LEMD1: variants seen among roughly 807,000 people sequenced by gnomAD.
LEMD1 encodes LEM domain-containing protein 1.
Under a neutral mutation model 17.4 loss-of-function variants are expected in LEMD1, and 18 were observed. That is an observed-to-expected ratio of 1.04 (90% CI 0.72 to 1.54). The LOEUF is 1.54. LEMD1 is among the 40% of genes most tolerant of loss of function. The pLI, the probability that LEMD1 is intolerant of heterozygous loss-of-function variation, is 0.00. For synonymous variants in LEMD1, 88 were observed against 77.8 expected (o/e 1.13, Z -0.69); for missense variants, 195 against 210.4 (o/e 0.93, Z 0.45).
At chr1:205,414,455 C>T (rs922151115) in intron 4 of LEMD1, among the ~76,000 whole-genome samples, 4 of 151,492 alleles carry the variant, frequency 2.6e-5, no homozygotes, top group African/African-American at 9.7e-5. Flanking sequence ...GATGGGGTCT[C>T]ATGCTATTGC....
chr1:205,425,038 T>A (rs2102449213), upstream of LEMD1, among the ~76,000 whole-genome samples: 1 of 152,318 alleles, frequency 6.6e-6, no homozygotes, highest in East Asian at 1.9e-4. Flanking sequence ...ACAGGATGGC[T>A]GATTATGTGT....
chr1:205,409,150 G>GT (rs1665268022), intron 4 of LEMD1, among the ~76,000 whole-genome samples: 1 of 152,092 alleles, frequency 6.6e-6, no homozygotes, highest in Non-Finnish European at 1.5e-5. Flanking sequence ...GCATATTATT[G>GT]TTTTTTAAAG....
At chr1:205,412,638 C>A (rs1422770269) in intron 4 of LEMD1, among the ~76,000 whole-genome samples, 1 of 152,162 alleles carries the variant, frequency 6.6e-6, no homozygotes, top group Non-Finnish European at 1.5e-5. Flanking sequence ...CCTTCTACCA[C>A]CTTTTACATG....
chr1:205,394,853 G>T (rs1664515075), intron 4 of LEMD1, among the ~76,000 whole-genome samples: 1 of 151,882 alleles, frequency 6.6e-6, no homozygotes. Flanking sequence ...CGGGTGTGGT[G>T]ACGTGCACCT....
At chr1:205,432,975 C>T (rs1666148540) in intron 1 of LEMD1, among the ~76,000 whole-genome samples, 1 of 151,970 alleles carries the variant, frequency 6.6e-6, no homozygotes. Context: ...TGTGCCACTG[C>T]ACTCCAGCCT....
intron 1 of LEMD1, among the ~76,000 whole-genome samples, chr1:205,433,863 G>A (rs1666164763): frequency 1.3e-5 from 2 of 152,144 alleles, no homozygotes; most frequent in African/African-American, 2.4e-5. Flanking sequence ...CTTGAGTCTC[G>A]TCTTGGCCCA....
intron 3 of LEMD1, among the ~76,000 whole-genome samples, chr1:205,416,896 ACAGT>A (rs1665720672): frequency 6.6e-6 from 1 of 152,200 alleles, no homozygotes; most frequent in African/African-American, 2.4e-5. Flanking sequence ...CACTGACAAG[ACAGT>A]CAGTTAGTGA....
chr1:205,449,475 G>A (rs1666457658), intron 1 of LEMD1, among the ~76,000 whole-genome samples: 1 of 151,900 alleles, frequency 6.6e-6, no homozygotes, highest in African/African-American at 2.4e-5. Flanking sequence ...CACCCCAACT[G>A]TACCCTCAGC....
intron 4 of LEMD1, among the ~76,000 whole-genome samples, chr1:205,403,609 T>A (rs1664954734): frequency 6.6e-6 from 1 of 152,138 alleles, no homozygotes; most frequent in African/African-American, 2.4e-5. Context: ...TTTATTAGTC[T>A]TGCTAGCGGT....
intron 1 of LEMD1, among the ~76,000 whole-genome samples, chr1:205,429,185 T>C (rs540037698): frequency 6.6e-6 from 1 of 152,324 alleles, no homozygotes; most frequent in South Asian, 2.1e-4. Flanking sequence ...CTAGAGAGTA[T>C]GGAAGGACAC....
chr1:205,446,681 G>A (rs1281465837), intron 1 of LEMD1, among the ~76,000 whole-genome samples: 1 of 152,210 alleles, frequency 6.6e-6, no homozygotes, highest in Non-Finnish European at 1.5e-5. Flanking sequence ...TCAGAGCAGG[G>A]TAGGGAACAG....
intron 4 of LEMD1, among the ~76,000 whole-genome samples, chr1:205,403,870 T>G (rs1664967567): frequency 6.6e-6 from 1 of 152,112 alleles, no homozygotes; most frequent in Admixed American, 6.5e-5. Context: ...CACACTGCTT[T>G]GAATGTGTCC....
Position 205,420,483 on chromosome 1 carries a change from C to T in LEMD1, c.54G>A (p.Lys18=). 1 of 1,613,994 alleles carries T rather than the reference C, an allele frequency of 6.2e-7. No individual in the cohort carries two copies. Among genetic ancestry groups the T allele is most frequent in the South Asian group, 1.1e-5 (1 of 91,084 alleles). The change falls in exon 2 of 6, where the codon AAG becomes AAA. Residue 18 remains lysine (K), a synonymous_variant. Coordinates refer to ENST00000367153, the MANE Select transcript of LEMD1 (RefSeq NM_001199050.2). The part of the protein sequence containing the change: ...SDCKLQNQLE[K]LGFSPGPILP... ...GTATTGGGCCAGGTGAAAATCCAAG[C>T]TTCTCAAGTTGGTTCTGCAATTTAC...
rs145006958 is a variant in LEMD1 at position 205,414,230 on chromosome 1, C to A, written c.270+2002G>T. 5.7e-3 allele frequency among the ~76,000 whole-genome samples: 868 copies of A among 151,826 alleles called. 4 individuals are homozygous for A. The highest frequency in any genetic ancestry group is 8.6e-3 in the Non-Finnish European group (581 of 67,910). Reference sequence around the variant, plus strand: ...TTAAATCTCTGCTTGTAGATCTGAACTGGAATTGGGAAAAGTTAGAGGCAA... The same window carrying A: ...TTAAATCTCTGCTTGTAGATCTGAAATGGAATTGGGAAAAGTTAGAGGCAA... On this transcript the variant is annotated intron_variant, in intron 4 of 5. Transcript: ENST00000367153.
chr1:205,416,305 T>C lies in LEMD1; in HGVS notation c.206-9A>G, dbSNP rs1291161929. The C allele has an allele frequency of 6.5e-6, 10 of 1,541,700 alleles. No homozygotes were observed. In the Admixed American group the frequency reaches 8.0e-5, roughly 12 times the overall value. Reference sequence around the variant, plus strand: ...CAAAATGATATTAAGCTCTGGATCATGGGAAACAAAAGGAAAATAGGCCAT... The same window carrying C: ...CAAAATGATATTAAGCTCTGGATCACGGGAAACAAAAGGAAAATAGGCCAT... On this transcript the variant is annotated splice_polypyrimidine_tract_variant and intron_variant, in intron 3 of 5. Coordinates refer to ENST00000367153, the MANE Select transcript of LEMD1 (RefSeq NM_001199050.2).
chr1:205,445,660 G>T (rs1448486349), intron 1 of LEMD1, among the ~76,000 whole-genome samples: 2 of 152,216 alleles, frequency 1.3e-5, no homozygotes, highest in African/African-American at 4.8e-5. Context: ...AGCTGGAGAG[G>T]TCAGAGCAGC....
rs567863926 is a variant in LEMD1, at chr1:205,381,823, T to C, written c.381A>G (p.Thr127=). 5.6e-6 allele frequency: 9 copies of C among 1,614,138 alleles called. No homozygotes were observed. Among genetic ancestry groups the C allele is most frequent in the Non-Finnish European group, 6.8e-6 (8 of 1,180,012 alleles). ...CTCTCTCTTTGGTGATAGTCCCATA[T>C]GTGATTCTGGTGCTTGGTGCTCTTG... ...WAARAPSTRI[T]YGTITKERDY... is the part of the protein sequence containing the mutation. The change falls in exon 6 of 6, where the codon ACA becomes ACG. Residue 127 remains threonine, a synonymous_variant. Coordinates refer to ENST00000367153, the MANE Select transcript of LEMD1 (RefSeq NM_001199050.2).
intron 1 of LEMD1, among the ~76,000 whole-genome samples, chr1:205,429,705 A>G (rs975899882): frequency 6.6e-6 from 1 of 151,616 alleles, no homozygotes. Flanking sequence ...TACTCTCCTT[A>G]GCATGCTTTT....
chr1:205,419,405 C>G lies in LEMD1; in HGVS notation c.83-53G>C, dbSNP rs1665854850. On this transcript the variant is annotated intron_variant, in intron 2 of 5. Coordinates refer to ENST00000367153, the MANE Select transcript of LEMD1 (RefSeq NM_001199050.2). ...AATTGTTCTGTTTTTTGTATATGAG[C>G]CTACTAGGTTCAAGGTATTTCATAA... 4.4e-6 allele frequency: 7 copies of G among 1,595,670 alleles called. No homozygotes were observed. In the African/African-American group the frequency reaches 9.4e-5, roughly 21 times the overall value.
Sources: allele counts gnomAD v4.1 joint callset (sites outside exome capture counted in the v4.1 genomes callset), GRCh38; gene constraint gnomAD v4.1.1; transcripts MANE v1.5; gene names NCBI Gene and HGNC (gene_info 2026-07-23, HGNC 2026-07-21).